SLC14A2: variants seen among roughly 807,000 people sequenced by gnomAD.
SLC14A2 encodes the protein solute carrier family 14 member 2.
Under a neutral mutation model 104.6 loss-of-function variants are expected in SLC14A2, and 91 were observed. That is an observed-to-expected ratio of 0.87 (90% CI 0.73 to 1.04). SLC14A2 has a LOEUF of 1.04. Among genes scored for constraint, SLC14A2 ranks in the 50% least tolerant of loss-of-function variants. The pLI is 0.00. For missense variants in SLC14A2, 1,189 were observed against 1,156.0 expected (o/e 1.03, Z -0.41); for synonymous variants, 476 against 466.4 (o/e 1.02, Z -0.27).
chr18:45,665,719 T>C (rs4392155), intron 11 of SLC14A2, among the ~76,000 whole-genome samples: 13,526 of 125,928 alleles, frequency 0.11, 1,064 homozygotes, highest in East Asian at 0.22. Flanking sequence ...TTTTTTTTGT[T>C]CACCTTCAAG....
intron 1 of SLC14A2, among the ~76,000 whole-genome samples, chr18:45,325,461 G>T (rs745494398): frequency 2.6e-5 from 4 of 152,122 alleles, no homozygotes; most frequent in Non-Finnish European, 5.9e-5. Context: ...CCTCTCCCTA[G>T]GAGAAACTCA....
intron 1 of SLC14A2, among the ~76,000 whole-genome samples, chr18:45,258,460 C>A (rs1478406090): frequency 7.0e-6 from 1 of 142,996 alleles, no homozygotes; most frequent in Non-Finnish European, 1.5e-5. Flanking sequence ...AGAACCATTG[C>A]AATATGCTAC....
At chr18:45,370,961 A>G (rs1418425745) in intron 1 of SLC14A2, among the ~76,000 whole-genome samples, 1 of 152,162 alleles carries the variant, frequency 6.6e-6, no homozygotes, top group Non-Finnish European at 1.5e-5. Flanking sequence ...TCTCAGGGAA[A>G]TGTCAGCGTG....
chr18:45,669,621 T>TG, intron 16 of SLC14A2, 123 bp downstream of exon 16: 1 of 774,974 alleles, frequency 1.3e-6, no homozygotes, highest in Non-Finnish European at 2.1e-6. Flanking sequence ...GTACCAAGCA[T>TG]TCTACATATA....
intron 1 of SLC14A2, among the ~76,000 whole-genome samples, chr18:45,337,717 A>G (rs1467768165): frequency 1.3e-5 from 2 of 152,238 alleles, no homozygotes; most frequent in Non-Finnish European, 2.9e-5. Context: ...TCCTTTTGGC[A>G]ATAAGATACC....
intron 15 of SLC14A2, among the ~76,000 whole-genome samples, chr18:45,668,931 G>A (rs556293871): frequency 6.2e-4 from 94 of 152,340 alleles, no homozygotes; most frequent in African/African-American, 2.1e-3. Flanking sequence ...ACCCCATGTT[G>A]AGAAAACACA....
At chr18:45,224,794 T>A (rs1320911165) in intron 1 of SLC14A2, among the ~76,000 whole-genome samples, 6 of 152,186 alleles carry the variant, frequency 3.9e-5, no homozygotes, top group Non-Finnish European at 7.3e-5. Flanking sequence ...CAAACCTGAC[T>A]GGCTTGAAGA....
At chr18:45,554,112 G>A (rs145759339) in intron 2 of SLC14A2, among the ~76,000 whole-genome samples, 11 of 152,340 alleles carry the variant, frequency 7.2e-5, no homozygotes, top group East Asian at 3.9e-4. Context: ...CATGAAGGCC[G>A]AAGCTTGCGG....
At chr18:45,559,781 C>T (rs1032806557) in intron 2 of SLC14A2, among the ~76,000 whole-genome samples, 3 of 152,242 alleles carry the variant, frequency 2.0e-5, no homozygotes, top group African/African-American at 4.8e-5. Flanking sequence ...ATCCAAGAGA[C>T]TGCTTTGTTT....
At chr18:45,262,816 C>T (rs544272905) in intron 1 of SLC14A2, among the ~76,000 whole-genome samples, 3 of 152,274 alleles carry the variant, frequency 2.0e-5, no homozygotes, top group African/African-American at 7.2e-5. Flanking sequence ...AAGGCAACTC[C>T]AGCATGAGCC....
chr18:45,550,482 T>A (rs2044041521), intron 2 of SLC14A2, among the ~76,000 whole-genome samples: 2 of 152,212 alleles, frequency 1.3e-5, no homozygotes, highest in African/African-American at 4.8e-5. Flanking sequence ...CACTAGACTG[T>A]GAGCTCTCTG....
At chr18:45,630,583 CAA>C (rs1182590702) in intron 4 of SLC14A2, among the ~76,000 whole-genome samples, 1 of 152,120 alleles carries the variant, frequency 6.6e-6, no homozygotes, top group Non-Finnish European at 1.5e-5. Context: ...TTAGTAAAAA[CAA>C]GAGTTCTGGA....
chr18:45,173,101 C>T, the SLC14A2 span, among the ~76,000 whole-genome samples: 2 of 152,140 alleles, frequency 1.3e-5, no homozygotes, highest in Non-Finnish European at 2.9e-5. Flanking sequence ...GATTAGCTGC[C>T]TGTGCAGTAA....
At chr18:45,369,300 G>A (rs2085698179) in intron 1 of SLC14A2, among the ~76,000 whole-genome samples, 1 of 152,122 alleles carries the variant, frequency 6.6e-6, no homozygotes, top group Non-Finnish European at 1.5e-5. Context: ...CTTCTCTTTA[G>A]GGTTAAACAA....
At chr18:45,366,008 A>T (rs1397358093) in intron 1 of SLC14A2, among the ~76,000 whole-genome samples, 1 of 152,046 alleles carries the variant, frequency 6.6e-6, no homozygotes, top group Admixed American at 6.6e-5. Context: ...AAAAAAAAAA[A>T]ATCAACTTCA....
At chr18:45,643,915 CTCCCCCAGA>C in intron 9 of SLC14A2, 62 bp from the exon 10 acceptor site, 1 of 1,356,780 alleles carries the variant, frequency 7.4e-7, no homozygotes, top group Non-Finnish European at 1.0e-6. Flanking sequence ...TCACATCCTT[CTCCCCCAGA>C]GTCCCCAGCC....
At chr18:45,595,036 C>T (rs2044701789) in intron 2 of SLC14A2, among the ~76,000 whole-genome samples, 1 of 152,204 alleles carries the variant, frequency 6.6e-6, no homozygotes, top group Non-Finnish European at 1.5e-5. Flanking sequence ...CAGACATTCA[C>T]TCTGCCATGA....
chr18:45,255,456 G>T (rs2084467339), intron 1 of SLC14A2, among the ~76,000 whole-genome samples: 1 of 152,200 alleles, frequency 6.6e-6, no homozygotes, highest in South Asian at 2.1e-4. Flanking sequence ...GGGCTCCATT[G>T]TCCAGCATTC....
chr18:45,669,357 A>C lies in SLC14A2; in HGVS notation c.2088A>C (p.Pro696=). Residue 696 remains proline (P), a synonymous_variant, in exon 16 of 20, where the codon CCA becomes CCC. Transcript: ENST00000255226. ...CCATCTTCAGCAAGTGGGACCTCCC[A>C]GTCTTCACACTGCCCTTCAATATCA... is the stretch of plus-strand genomic sequence containing the variant. ...LGTIFSKWDL[P]VFTLPFNITV... 6.2e-7 allele frequency: 1 copy of C among 1,614,130 alleles called. No homozygotes were observed. Among genetic ancestry groups the C allele is most frequent in the Non-Finnish European group, 8.5e-7 (1 of 1,179,990 alleles).
Sources: gnomAD v4.1 joint callset for allele counts (sites outside exome capture counted in the v4.1 genomes callset) on GRCh38, gnomAD v4.1.1 for gene constraint, MANE v1.5 for transcripts, NCBI Gene and HGNC (gene_info 2026-07-23, HGNC 2026-07-21) for gene names.